Variants in N4BP2 observed in about 807,000 individuals in gnomAD.
N4BP2 encodes the protein NEDD4 binding protein 2, also known as NEDD4-binding protein 2.
N4BP2 carries 91 observed loss-of-function variants against 152.8 expected under a neutral mutation model. The observed-to-expected ratio is 0.60, with a 90% CI of 0.50 to 0.71. N4BP2 has a LOEUF of 0.71. Among genes scored for constraint, N4BP2 ranks in the 30% least tolerant of loss-of-function variants. N4BP2 has a pLI of 0.00. For synonymous variants in N4BP2, 646 were observed against 705.3 expected (o/e 0.92, Z 1.33); for missense variants, 1,923 against 2,059.1 (o/e 0.93, Z 1.28).
At chr4:40,068,884 C>T (rs554341303) in intron 1 of N4BP2, among the ~76,000 whole-genome samples, 98 of 152,154 alleles carry the variant, frequency 6.4e-4, no homozygotes, top group Non-Finnish European at 1.1e-3. Context: ...TTTGGGAGAC[C>T]GAGGCAGGTG....
intron 1 of N4BP2, among the ~76,000 whole-genome samples, chr4:40,061,559 C>T (rs931348594): frequency 2.6e-5 from 4 of 151,182 alleles, no homozygotes; most frequent in Non-Finnish European, 5.9e-5. Context: ...GAGATGGGGT[C>T]TCACCATGTT....
chr4:40,086,460 C>T (rs184417824), intron 2 of N4BP2, among the ~76,000 whole-genome samples: 259 of 152,062 alleles, frequency 1.7e-3, no homozygotes, highest in African/African-American at 5.9e-3. Flanking sequence ...GCCTCAGCCT[C>T]CCGAGTACCT....
chr4:40,148,054 C>T (rs1014335784), intron 16 of N4BP2, among the ~76,000 whole-genome samples: 6 of 152,076 alleles, frequency 3.9e-5, no homozygotes, highest in East Asian at 3.9e-4. Flanking sequence ...GGGTGGCGGC[C>T]GGGCAGAGGC....
At chr4:40,074,371 G>A (rs750851980) in intron 2 of N4BP2, among the ~76,000 whole-genome samples, 1 of 103,404 alleles carries the variant, frequency 9.7e-6, no homozygotes, top group Non-Finnish European at 2.3e-5. Flanking sequence ...AATTACAGGC[G>A]TGAGCCACCG....
chr4:40,175,976 G>C, the N4BP2 span, among the ~76,000 whole-genome samples: 1 of 151,638 alleles, frequency 6.6e-6, no homozygotes, highest in Admixed American at 6.6e-5. Flanking sequence ...TGTAGTCCCA[G>C]CTACTTGGGA....
At chr4:40,132,899 G>T (rs1244205932) in intron 13 of N4BP2, among the ~76,000 whole-genome samples, 1 of 149,140 alleles carries the variant, frequency 6.7e-6, no homozygotes, top group Non-Finnish European at 1.5e-5. Context: ...TTTTACAATA[G>T]TAATGAAATG....
At chr4:40,128,627 G>A (rs760302867) in intron 12 of N4BP2, among the ~76,000 whole-genome samples, 42 of 150,958 alleles carry the variant, frequency 2.8e-4, no homozygotes, top group Non-Finnish European at 1.2e-4. Flanking sequence ...TCCTGGGTTC[G>A]AGTGATTCTC....
the N4BP2 span, among the ~76,000 whole-genome samples, chr4:40,185,842 C>A: frequency 6.6e-6 from 1 of 152,104 alleles, no homozygotes; most frequent in African/African-American, 2.4e-5. Context: ...ATAATGAGAA[C>A]GCAGCAGGCT....
chr4:40,162,098 C>T (rs1721874977), downstream of N4BP2, among the ~76,000 whole-genome samples: 2 of 152,192 alleles, frequency 1.3e-5, no homozygotes, highest in African/African-American at 4.8e-5. Flanking sequence ...CGAAATCTCA[C>T]TGGAGTGTAT....
rs750738234 is a variant in N4BP2 at position 40,120,768 on chromosome 4, C to T, written c.2657C>T (p.Pro886Leu). ...TCATTCAACATTATGGGTGACTGGC[C>T]TTCATCTGATTCTTTAGCTCAGAGG... ...KNSFNIMGDW[P>L]SSDSLAQREH... Residue 886 changes from proline to leucine, a missense_variant, in exon 9 of 18, where the codon CCT becomes CTT. Pro to Leu is a moderately conservative substitution (Grantham distance 98, BLOSUM62 -3). Coordinates refer to ENST00000261435, the MANE Select transcript of N4BP2 (RefSeq NM_018177.6). 6.2e-7 allele frequency: 1 copy of T among 1,614,120 alleles called. No individual in the cohort carries two copies. The highest frequency in any genetic ancestry group is 8.5e-7 in the Non-Finnish European group (1 of 1,180,004).
intron 14 of N4BP2, chr4:40,142,337 G>T: frequency 3.1e-6 from 1 of 317,742 alleles, no homozygotes; most frequent in South Asian, 3.4e-5. Context: ...GTTGGGCTGG[G>T]GGTGACTGGG....
chr4:40,119,942 G>A lies in N4BP2; in HGVS notation c.1831G>A (p.Asp611Asn), dbSNP rs794001. ...CEDRSTSPRD[D>N]EDIISEKEEN... ...AAAATAATCTTACAGCCCAAGAGAC[G>A]ATGAAGATATTATCTCTGAAAAAGA... Residue 611 changes from aspartate (D) to asparagine (N), a missense_variant, in exon 9 of 18, where the codon GAT becomes AAT. Asp to Asn is a conservative substitution (Grantham distance 23). Transcript: ENST00000261435. The A allele has an allele frequency of 0.77, 1,065,421 of 1,381,106 alleles. 414,005 individuals are homozygous for A. The highest frequency in any genetic ancestry group is 0.96 in the East Asian group (41,907 of 43,512). The allele number at this position is 1,381,106 out of a possible 1,614,324, so 85.6% of individuals were successfully genotyped here.
intron 2 of N4BP2, among the ~76,000 whole-genome samples, chr4:40,076,796 T>C (rs1005739818): frequency 1.3e-5 from 2 of 152,146 alleles, no homozygotes; most frequent in African/African-American, 4.8e-5. Flanking sequence ...CCCAAAAATA[T>C]CTTTTTTAGT....
the N4BP2 span, among the ~76,000 whole-genome samples, chr4:40,178,910 T>G: frequency 2.6e-5 from 4 of 152,200 alleles, no homozygotes; most frequent in South Asian, 2.1e-4. Flanking sequence ...TTGCAGCTGG[T>G]ACTTCTATTT....
the N4BP2 span, among the ~76,000 whole-genome samples, chr4:40,166,416 G>A: frequency 2.6e-4 from 40 of 152,076 alleles, no homozygotes; most frequent in Non-Finnish European, 4.9e-4. Flanking sequence ...TTGGCTGGGC[G>A]AGGTGGCTTA....
the N4BP2 span, among the ~76,000 whole-genome samples, chr4:40,183,599 G>A: frequency 6.6e-6 from 1 of 152,220 alleles, no homozygotes; most frequent in Non-Finnish European, 1.5e-5. Context: ...GCCTCCCAAA[G>A]TGCCGGGATT....
rs750102047 is a variant in N4BP2, at chr4:40,152,828, G to A, written c.5192G>A (p.Arg1731Lys). ...GKPYLSVITG[R>K]GNHSQGGVAR... Reference sequence around the variant, plus strand: ...CCCTATTTGTCTGTGATTACGGGGAGAGGAAACCACAGCCAGGGAGGAGTT... The same window carrying A: ...CCCTATTTGTCTGTGATTACGGGGAAAGGAAACCACAGCCAGGGAGGAGTT... Residue 1731 changes from arginine (R) to lysine (K), a missense_variant, in exon 17 of 18, where the codon AGA becomes AAA. Coordinates refer to ENST00000261435, the MANE Select transcript of N4BP2 (RefSeq NM_018177.6). The A allele has an allele frequency of 1.9e-6, 3 of 1,614,038 alleles. No homozygotes were observed. The highest frequency in any genetic ancestry group is 2.5e-6 in the Non-Finnish European group (3 of 1,179,922).
At chr4:40,143,528 T>G (rs1720241847) in intron 15 of N4BP2, among the ~76,000 whole-genome samples, 1 of 152,132 alleles carries the variant, frequency 6.6e-6, no homozygotes, top group African/African-American at 2.4e-5. Context: ...CGTGAACTCC[T>G]GAGCTCAAGC....
At chr4:40,115,851 G>T (rs1717292474) in intron 7 of N4BP2, among the ~76,000 whole-genome samples, 2 of 152,034 alleles carry the variant, frequency 1.3e-5, no homozygotes, top group Admixed American at 1.3e-4. Context: ...ATTAAATCAT[G>T]CTTATTGTTA....
Sources: gnomAD v4.1 joint callset for allele counts (sites outside exome capture counted in the v4.1 genomes callset) on GRCh38, gnomAD v4.1.1 for gene constraint, MANE v1.5 for transcripts, NCBI Gene and HGNC (gene_info 2026-07-23, HGNC 2026-07-21) for gene names.